CNBD1: variants seen among roughly 807,000 people sequenced by gnomAD.
The protein encoded by CNBD1 is cyclic nucleotide-binding domain-containing protein 1.
CNBD1 carries 71 observed loss-of-function variants against 54.4 expected under a neutral mutation model. That is an observed-to-expected ratio of 1.30 (90% CI 1.08 to 1.59). The LOEUF (loss-of-function observed/expected upper bound fraction) is 1.59, where lower values mean the gene tolerates loss of function less well. Among genes scored for constraint, CNBD1 ranks in the 40% most tolerant of loss-of-function variants. CNBD1 has a pLI of 0.00. For synonymous variants in CNBD1, 182 were observed against 170.7 expected, an observed-to-expected ratio of 1.07 and a Z score of -0.51; for missense variants, 659 against 518.0, an observed-to-expected ratio of 1.27 and a Z score of -2.64.
In CNBD1 at chr8:87,081,626, C is replaced by T. The variant is rs533911000; in HGVS notation, c.432-124367C>T. 2.0e-4 allele frequency among the ~76,000 whole-genome samples: 31 copies of T among 151,910 alleles called. 1 individual carries two copies. The South Asian group carries it at 6.4e-3, about 32-fold the overall frequency. On this transcript the variant is annotated intron_variant, in intron 4 of 10. Transcript: ENST00000518476. ...GTTCAAGCGATTCTCCTGCCGCAGC[C>T]TCCTGAGTAGCTGGGATAACAGGCG...
intron 4 of CNBD1, among the ~76,000 whole-genome samples, chr8:86,975,518 A>G (rs1435579349): frequency 6.6e-6 from 1 of 152,048 alleles, no homozygotes; most frequent in African/African-American, 2.4e-5. Context: ...ACTTAGCACA[A>G]TGCACTCTAC....
intron 2 of CNBD1, among the ~76,000 whole-genome samples, chr8:87,420,792 G>C (rs1586092030): frequency 6.7e-6 from 1 of 148,362 alleles, no homozygotes; most frequent in South Asian, 2.1e-4. Context: ...TTTTTTGACA[G>C]TCGTTGGTAT....
At chr8:87,082,188 T>A (rs1442270306) in intron 4 of CNBD1, among the ~76,000 whole-genome samples, 2 of 152,090 alleles carry the variant, frequency 1.3e-5, no homozygotes, top group Non-Finnish European at 2.9e-5. Context: ...TCAATCGACC[T>A]TGTGACATTC....
At chr8:87,356,570 G>T (rs1810424224) in intron 10 of CNBD1, among the ~76,000 whole-genome samples, 1 of 152,110 alleles carries the variant, frequency 6.6e-6, no homozygotes, top group Non-Finnish European at 1.5e-5. Context: ...AAACATTCAA[G>T]AATTAGTGTG....
chr8:87,201,542 G>T lies in CNBD1; in HGVS notation c.432-4451G>T, dbSNP rs184387887. ...CATTCAGCAGTGTTTCAGGATACAA[G>T]ATCAATATACAAATATCAAATCTAC... On this transcript the variant is annotated intron_variant, in intron 4 of 10. Coordinates refer to ENST00000518476, the MANE Select transcript of CNBD1 (RefSeq NM_173538.3). Among the ~76,000 whole-genome samples the T allele has an allele frequency of 2.7e-3, 402 of 151,276 alleles. 3 individuals carry two copies. Among genetic ancestry groups the T allele is most frequent in the African/African-American group, 9.2e-3 (377 of 41,184 alleles).
intron 2 of CNBD1, among the ~76,000 whole-genome samples, chr8:87,389,152 T>A (rs1008599125): frequency 2.0e-5 from 3 of 152,160 alleles, no homozygotes; most frequent in African/African-American, 7.2e-5. Context: ...TCATCCTGAA[T>A]GGGCAAAAAC....
intron 4 of CNBD1, among the ~76,000 whole-genome samples, chr8:87,150,675 G>A (rs865806250): frequency 6.6e-6 from 1 of 152,150 alleles, no homozygotes; most frequent in Admixed American, 6.5e-5. Context: ...GCTCTGGGGT[G>A]AGCTAATGGA....
At chr8:87,386,179 A>G (rs1245348479), downstream of CNBD1, among the ~76,000 whole-genome samples, 2 of 152,168 alleles carry the variant, frequency 1.3e-5, no homozygotes, top group African/African-American at 2.4e-5. Flanking sequence ...AGAGCAAAAA[A>G]ACTGGAAACT....
chr8:87,415,969 A>T (rs147526285), intron 2 of CNBD1, among the ~76,000 whole-genome samples: 2,032 of 150,732 alleles, frequency 0.013, 17 homozygotes, highest in Non-Finnish European at 0.019. Context: ...TAAAAAAATC[A>T]TATGGACATT....
At chr8:87,313,675 A>G (rs1183244053) in intron 8 of CNBD1, among the ~76,000 whole-genome samples, 4 of 151,858 alleles carry the variant, frequency 2.6e-5, no homozygotes, top group African/African-American at 9.7e-5. Flanking sequence ...GATACATTAC[A>G]CTGTGTTCTT....
At chr8:86,911,851 A>G (rs903084389) in intron 3 of CNBD1, among the ~76,000 whole-genome samples, 4 of 152,258 alleles carry the variant, frequency 2.6e-5, no homozygotes, top group Admixed American at 1.3e-4. Context: ...CAAGAAAGCA[A>G]TCCCATTTAC....
At chr8:87,275,778 A>T (rs561794009) in intron 6 of CNBD1, among the ~76,000 whole-genome samples, 6 of 151,692 alleles carry the variant, frequency 4.0e-5, no homozygotes, top group Non-Finnish European at 8.8e-5. Flanking sequence ...AGAGGAAGTC[A>T]AATTGTCCCT....
At chr8:87,146,226 C>G (rs528639988) in intron 4 of CNBD1, among the ~76,000 whole-genome samples, 5 of 152,152 alleles carry the variant, frequency 3.3e-5, no homozygotes, top group Admixed American at 3.3e-4. Flanking sequence ...AGTGCTTACT[C>G]TCCTAAAATT....
intron 10 of CNBD1, among the ~76,000 whole-genome samples, chr8:87,359,575 A>AT (rs1453708646): frequency 2.0e-4 from 31 of 152,116 alleles, no homozygotes; most frequent in Non-Finnish European, 4.4e-4. Context: ...TGCTGAAATA[A>AT]TTTTCACATA....
At chr8:87,111,607 G>T (rs1159903318) in intron 4 of CNBD1, among the ~76,000 whole-genome samples, 1 of 152,114 alleles carries the variant, frequency 6.6e-6, no homozygotes, top group Non-Finnish European at 1.5e-5. Flanking sequence ...GCTCAGGGTT[G>T]AGAACTGGGA....
intron 2 of CNBD1, among the ~76,000 whole-genome samples, chr8:87,395,933 G>T (rs550768150): frequency 6.6e-6 from 1 of 151,780 alleles, no homozygotes; most frequent in South Asian, 2.1e-4. Flanking sequence ...CCTTACTGCC[G>T]CCATGTGAAG....
chr8:87,425,337 T>A (rs192453821), intron 2 of CNBD1, among the ~76,000 whole-genome samples: 198 of 152,356 alleles, frequency 1.3e-3, no homozygotes, highest in African/African-American at 4.6e-3. Context: ...TCATTCTCCG[T>A]CCAGCTTTGT....
chr8:87,088,820 C>T (rs1459535593), intron 4 of CNBD1, among the ~76,000 whole-genome samples: 1 of 152,026 alleles, frequency 6.6e-6, no homozygotes, highest in African/African-American at 2.4e-5. Flanking sequence ...ACTGTTATTG[C>T]TCTTGGAATT....
chr8:86,943,386 A>AAAAAAAAAAAAAAT (rs1807384335), intron 4 of CNBD1, among the ~76,000 whole-genome samples: 1 of 151,160 alleles, frequency 6.6e-6, no homozygotes, highest in Non-Finnish European at 1.5e-5. Flanking sequence ...AAAAAAAAAA[A>AAAAAAAAAAAAAAT]AAAAGAAATG....
Sources: gnomAD v4.1 joint callset for allele counts (sites outside exome capture counted in the v4.1 genomes callset) on GRCh38, gnomAD v4.1.1 for gene constraint, MANE v1.5 for transcripts, NCBI Gene and HGNC (gene_info 2026-07-23, HGNC 2026-07-21) for gene names.